HERC1: variants seen among roughly 807,000 people sequenced by gnomAD.
HERC1 encodes the protein probable E3 ubiquitin-protein ligase HERC1.
A neutral mutation model predicts 554.3 loss-of-function variants in HERC1; 160 were observed. That is an observed-to-expected ratio of 0.29 (90% CI 0.25 to 0.33). The LOEUF (loss-of-function observed/expected upper bound fraction) is 0.33. Ranked by LOEUF, HERC1 falls within the 10% of genes least tolerant of loss-of-function variation. The pLI is 1.00. For synonymous variants in HERC1, 2,175 were observed against 2,131.7 expected (o/e 1.02, Z -0.56); for missense variants, 4,919 against 5,918.5 (o/e 0.83, Z 5.54).
intron 38 of HERC1, 71 bp downstream of exon 38, chr15:63,674,271 A>T: frequency 7.8e-7 from 1 of 1,276,162 alleles, no homozygotes; most frequent in Non-Finnish European, 1.1e-6. Flanking sequence ...TACAGAATGT[A>T]TCACTTCTGA....
chr15:63,759,196 T>C (rs865815103), intron 3 of HERC1, among the ~76,000 whole-genome samples: 2 of 152,302 alleles, frequency 1.3e-5, no homozygotes, highest in South Asian at 4.1e-4. Context: ...TGAAACATAC[T>C]ATACCAAACT....
intron 55 of HERC1, among the ~76,000 whole-genome samples, chr15:63,646,354 T>C (rs2069337118): frequency 6.6e-6 from 1 of 152,216 alleles, no homozygotes; most frequent in South Asian, 2.1e-4. Context: ...TTAGCTTTAC[T>C]CTTTCATGGC....
intron 12 of HERC1, among the ~76,000 whole-genome samples, chr15:63,744,246 C>G (rs1177715316): frequency 6.6e-6 from 1 of 151,908 alleles, no homozygotes; most frequent in South Asian, 2.1e-4. Flanking sequence ...ACAAGCACCC[C>G]TGTGGCCAAC....
rs1300746564 is a variant in HERC1 at position 63,747,741 on chromosome 15, G to C, written c.2337C>G (p.Leu779=). ...TAACATACCTTGATGAAGGGAAAGG[G>C]AGTGGGGGAATCTCACTGTTTATTT... is the stretch of plus-strand genomic sequence containing the variant. The part of the protein sequence containing the change: ...CDKINSEIPP[L]PFPSSREHHS... Residue 779 remains leucine, a synonymous_variant, in exon 11 of 78, where the codon CTC becomes CTG. Coordinates refer to ENST00000443617, the MANE Select transcript of HERC1 (RefSeq NM_003922.4). The C allele has an allele frequency of 2.6e-6, 4 of 1,548,244 alleles. No homozygotes were observed. The highest frequency in any genetic ancestry group is 1.4e-5 in the African/African-American group (1 of 73,014).
In HERC1 at chr15:63,669,408, T is replaced by C. The variant is rs546204937; in HGVS notation, c.8206+130A>G. Reference sequence around the variant, plus strand: ...ACATGAAGATCATAGCTCAGTTTAATGGGGCAGTTCCCCTTCATTAAAATC... The same window carrying C: ...ACATGAAGATCATAGCTCAGTTTAACGGGGCAGTTCCCCTTCATTAAAATC... On this transcript the variant is annotated intron_variant, in intron 40 of 77. Transcript: ENST00000443617. 2.8e-5 allele frequency: 23 copies of C among 819,126 alleles called. No homozygotes were observed. In the Admixed American group the frequency reaches 3.9e-4, roughly 14 times the overall value. 50.7% of individuals were successfully genotyped at this position (819,126 alleles called of 1,614,324 possible).
At chr15:63,672,413 G>T in intron 39 of HERC1, 83 bp downstream of exon 39, 1 of 878,076 alleles carries the variant, frequency 1.1e-6, no homozygotes, top group Non-Finnish European at 1.7e-6. Flanking sequence ...AGATTCAGTT[G>T]GGCATACTAT....
chr15:63,788,324 T>C (rs573022698), intron 1 of HERC1, among the ~76,000 whole-genome samples: 8 of 152,174 alleles, frequency 5.3e-5, no homozygotes, highest in Non-Finnish European at 1.2e-4. Context: ...TACTGTAAAT[T>C]GGAGAATTGG....
rs370713627 is a variant in HERC1, at chr15:63,747,197, T to C, written c.2355-114A>G. On this transcript the variant is annotated intron_variant, in intron 11 of 77. Coordinates refer to ENST00000443617, the MANE Select transcript of HERC1 (RefSeq NM_003922.4). ...TTTGTTGGCTAGGTGCGGTGGCTCATGCCTGTAATCCCAGCACTTTGGGAG... is the reference window on the plus strand; with the variant it reads ...TTTGTTGGCTAGGTGCGGTGGCTCACGCCTGTAATCCCAGCACTTTGGGAG... The C allele has an allele frequency of 6.1e-4, 523 of 862,556 alleles. 1 individual carries two copies. In the East Asian group the frequency reaches 0.01, roughly 17 times the overall value. The allele number at this position is 862,556 out of a possible 1,614,324, so 53.4% of individuals were successfully genotyped here. A position where few individuals can be genotyped will look rare whatever the true frequency, so the allele number is the denominator to read the frequency against.
intron 76 of HERC1, among the ~76,000 whole-genome samples, chr15:63,614,617 T>C (rs948737765): frequency 7.9e-5 from 12 of 152,324 alleles, no homozygotes; most frequent in Non-Finnish European, 1.3e-4. Flanking sequence ...ACTAAACTTC[T>C]ATAGCTTCAC....
intron 46 of HERC1, among the ~76,000 whole-genome samples, chr15:63,660,409 T>C (rs535411900): frequency 3.9e-5 from 6 of 152,324 alleles, no homozygotes; most frequent in African/African-American, 1.2e-4. Flanking sequence ...TAATGAACTA[T>C]GGCACCATCT....
At chr15:63,706,586 A>G (rs1008022190) in intron 25 of HERC1, among the ~76,000 whole-genome samples, 194 bp downstream of exon 25, 1 of 152,200 alleles carries the variant, frequency 6.6e-6, no homozygotes, top group African/African-American at 2.4e-5. Flanking sequence ...TACATATTTT[A>G]AAGAAAATAG....
In HERC1 at chr15:63,663,064, C is replaced by T; in HGVS notation, c.8821G>A (p.Ala2941Thr). ...CTGGTCAGGTCTTGTCCAAACATAG[C>T]TTCCATCGCCTCATCATCAAGATCA... ...EIDLDDEAME[A>T]MFGQDLTSDN... The change falls in exon 44 of 78, where the codon GCT becomes ACT. Residue 2941 changes from alanine to threonine, a missense_variant. Coordinates refer to ENST00000443617, the MANE Select transcript of HERC1 (RefSeq NM_003922.4). The T allele has an allele frequency of 5.0e-6, 8 of 1,613,998 alleles. No individual in the cohort carries two copies. The highest frequency in any genetic ancestry group is 6.8e-6 in the Non-Finnish European group (8 of 1,179,888).
At chr15:63,815,146 C>T (rs2077452569) in intron 1 of HERC1, among the ~76,000 whole-genome samples, 1 of 152,206 alleles carries the variant, frequency 6.6e-6, no homozygotes, top group South Asian at 2.1e-4. Context: ...TTCACTAGGA[C>T]GTAGCCAACT....
At chr15:63,760,435 C>CAAAAA (rs34164820) in intron 3 of HERC1, among the ~76,000 whole-genome samples, 19 of 91,288 alleles carry the variant, frequency 2.1e-4, no homozygotes, top group Admixed American at 4.1e-4. Context: ...AGACACCATC[C>CAAAAA]AAAAAAAAAA....
At position 63,674,527 on chromosome 15, in the gene HERC1, T is replaced by A; in HGVS notation, c.7661A>T (p.His2554Leu). The change falls in exon 38 of 78, where the codon CAT becomes CTT. Residue 2554 changes from histidine to leucine, a missense_variant. By Grantham distance (99) the His-to-Leu change is moderately conservative (BLOSUM62 -3). Coordinates refer to ENST00000443617, the MANE Select transcript of HERC1 (RefSeq NM_003922.4). ...NSDCASSPVVHEDVEMRAALQ... is the reference protein window; with the variant it reads ...NSDCASSPVVLEDVEMRAALQ... The stretch of plus-strand genomic sequence containing the variant: ...GGCTGCTCGCATCTCCACGTCTTCA[T>A]GAACAACTGGAGAACTTGCACAGTC... 1.2e-6 allele frequency: 2 copies of A among 1,613,490 alleles called. No homozygotes were observed. Among genetic ancestry groups the A allele is most frequent in the African/African-American group, 1.3e-5 (1 of 75,038 alleles).
At chr15:63,658,464 C>A in intron 48 of HERC1, 80 bp downstream of exon 48, 1 of 1,269,920 alleles carries the variant, frequency 7.9e-7, no homozygotes, top group East Asian at 2.4e-5. Context: ...TTCTATCTCA[C>A]CCTCCCAAAC....
intron 65 of HERC1, among the ~76,000 whole-genome samples, chr15:63,635,109 G>A (rs576350656): frequency 1.3e-5 from 2 of 151,990 alleles, no homozygotes; most frequent in South Asian, 2.1e-4. Flanking sequence ...GTGCAGTGGT[G>A]TGATCACAGC....
Position 63,672,691 on chromosome 15 carries a change from A to G in HERC1, c.7850T>C (p.Ile2617Thr), listed in dbSNP as rs1566995725. 3 of 1,593,962 alleles carry G rather than the reference A, an allele frequency of 1.9e-6. No individual in the cohort carries two copies. The highest frequency in any genetic ancestry group is 2.2e-5 in the East Asian group (1 of 44,736). ...GTCACTTTCTTCAGCTTGTTGATCA[A>G]TCTCTAGAAACCAAAAAAAAGGTTA... Reference protein sequence around the residue: ...DQFGGKIKQEIDQQAEESDPA... With the variant: ...DQFGGKIKQETDQQAEESDPA... The change falls in exon 39 of 78, where the codon ATT (isoleucine) becomes ACT (threonine). Residue 2617 changes from isoleucine to threonine, a missense_variant. This residue lies in a region of HERC1 where 1,963 missense variants were observed against 2,228.6 expected (regional missense o/e 0.88). Transcript: ENST00000443617.
At chr15:63,638,945 C>T (rs559889672) in intron 61 of HERC1, among the ~76,000 whole-genome samples, 169 bp from the exon 62 acceptor site, 1 of 152,200 alleles carries the variant, frequency 6.6e-6, no homozygotes, top group Non-Finnish European at 1.5e-5. Context: ...ATTTTATGCA[C>T]TGTCAGTATT....
Sources: allele counts gnomAD v4.1 joint callset (sites outside exome capture counted in the v4.1 genomes callset), GRCh38; gene constraint gnomAD v4.1.1; regional missense constraint gnomAD v4.1.1; transcripts MANE v1.5; gene names NCBI Gene and HGNC (gene_info 2026-07-23, HGNC 2026-07-21).